The following PPP2R2C variants were observed in gnomAD, a reference collection of about 807,000 sequenced individuals.
PPP2R2C encodes the protein protein phosphatase 2 regulatory subunit Bgamma.
In PPP2R2C, 10 loss-of-function variants were observed where a neutral mutation model predicts 45.3. The ratio of observed to expected loss-of-function variants is 0.22; its 90% CI spans 0.14 to 0.37. The LOEUF (loss-of-function observed/expected upper bound fraction) is 0.37. Among genes scored for constraint, PPP2R2C ranks in the 10% least tolerant of loss-of-function variants. PPP2R2C has a pLI of 1.00. For missense variants in PPP2R2C, 308 were observed against 619.7 expected (o/e 0.50, Z 5.34); for synonymous variants, 257 against 245.4 (o/e 1.05, Z -0.44).
At chr4:6,413,837 C>T in intron 1 of PPP2R2C, 1 of 1,531,148 alleles carries the variant, frequency 6.5e-7, no homozygotes. Flanking sequence ...GGCTCCCACT[C>T]AGGGCTGGCC....
At chr4:6,325,276 A>G (rs996161715) in intron 8 of PPP2R2C, among the ~76,000 whole-genome samples, 2 of 152,204 alleles carry the variant, frequency 1.3e-5, no homozygotes, top group African/African-American at 4.8e-5. Flanking sequence ...GGCTTGAGGC[A>G]CTTTGCTTCT....
rs1443780162 is a variant in PPP2R2C at position 6,329,467 on chromosome 4, C to G, written c.961-114G>C. On this transcript the variant is annotated intron_variant, in intron 7 of 8. Transcript: ENST00000382599. This position sits in a 1 kb window ranked among gnomAD's most constrained non-coding sequence, Gnocchi z 5.8. ...CTGCATGCCCTGACATGGCCCAGCG[C>G]AGACCTGCTCATCTCAGCGAGGGTC... The G allele has an allele frequency of 2.4e-6, 2 of 832,954 alleles. No individual in the cohort carries two copies. Among genetic ancestry groups the G allele is most frequent in the Non-Finnish European group, 4.0e-6 (2 of 495,602 alleles). 51.6% of individuals were successfully genotyped at this position (832,954 alleles called of 1,614,324 possible). A position where few individuals can be genotyped will look rare whatever the true frequency, so the allele number is the denominator to read the frequency against.
At chr4:6,556,394 A>T (rs1189756134) in intron 1 of PPP2R2C, among the ~76,000 whole-genome samples, 9 of 152,174 alleles carry the variant, frequency 5.9e-5, no homozygotes, top group Admixed American at 5.9e-4. Context: ...CACCATCGCA[A>T]CATCAGCCTT....
Position 6,382,002 on chromosome 4 carries a change from T to C in PPP2R2C, c.71-908A>G, listed in dbSNP as rs1715834732. The C allele has an allele frequency of 1.9e-5, 27 of 1,416,862 alleles. No individual in the cohort carries two copies. In the South Asian group the frequency reaches 4.1e-4, roughly 22 times the overall value. The allele number at this position is 1,416,862 out of a possible 1,614,324, so 87.8% of individuals were successfully genotyped here. On this transcript the variant is annotated intron_variant, in intron 1 of 8. Coordinates refer to ENST00000382599, the MANE Select transcript of PPP2R2C (RefSeq NM_020416.4). ...AGCAGGGGAGGACAAGGCCCTAGCC[T>C]GGAAGAGAAACCCCCACTGGAGGAC... is the stretch of plus-strand genomic sequence containing the variant.
chr4:6,513,455 A>T (rs908159914), intron 2 of PPP2R2C, among the ~76,000 whole-genome samples: 1 of 152,154 alleles, frequency 6.6e-6, no homozygotes, highest in Non-Finnish European at 1.5e-5. Flanking sequence ...GGGGTGGAAC[A>T]GGGGGTGAAG....
Position 6,368,426 on chromosome 4 carries a change from T to C in PPP2R2C, c.625+4097A>G, listed in dbSNP as rs150254786. The stretch of plus-strand genomic sequence containing the variant: ...TCCTGGAGGCAGAATCTTTATCTAG[T>C]TCCAGCATCACCCAAGAGGGCTGGC... On this transcript the variant is annotated intron_variant, in intron 5 of 8. Transcript: ENST00000382599. This position sits in a 1 kb window ranked among gnomAD's most constrained non-coding sequence, Gnocchi z 4.2. Among the ~76,000 whole-genome samples the C allele has an allele frequency of 0.022, 3,356 of 152,262 alleles. 51 individuals carry two copies. Among genetic ancestry groups the C allele is most frequent in the Middle Eastern group, 0.075 (22 of 294 alleles).
At chr4:6,426,554 G>A (rs1719344251) in intron 1 of PPP2R2C, among the ~76,000 whole-genome samples, 1 of 152,206 alleles carries the variant, frequency 6.6e-6, no homozygotes. Context: ...CACCTGCATG[G>A]CAATTGTGGT....
intron 5 of PPP2R2C, among the ~76,000 whole-genome samples, chr4:6,362,616 G>C (rs1367593973): frequency 6.6e-6 from 1 of 152,228 alleles, no homozygotes; most frequent in Non-Finnish European, 1.5e-5. Context: ...TTGGCTCAGA[G>C]GGGCCTTGGG....
chr4:6,446,202 C>G (rs1469796273), intron 1 of PPP2R2C, among the ~76,000 whole-genome samples: 1 of 152,220 alleles, frequency 6.6e-6, no homozygotes, highest in Non-Finnish European at 1.5e-5. Flanking sequence ...CGTTCTGAGA[C>G]TCTAGAACTC....
At chr4:6,423,779 G>A (rs116444297) in intron 1 of PPP2R2C, among the ~76,000 whole-genome samples, 1 of 152,214 alleles carries the variant, frequency 6.6e-6, no homozygotes. Flanking sequence ...GGAACTGAAA[G>A]ATCAGGGAGG....
chr4:6,452,587 C>T (rs898154304), intron 1 of PPP2R2C, among the ~76,000 whole-genome samples: 2 of 152,228 alleles, frequency 1.3e-5, no homozygotes, highest in African/African-American at 4.8e-5. Flanking sequence ...ACACAGTAGC[C>T]CTAACCCCTA....
rs181740586 is a variant in PPP2R2C, at chr4:6,389,320, C to T, written c.71-8226G>A. Among the ~76,000 whole-genome samples, 286 of 152,328 alleles carry T rather than the reference C, an allele frequency of 1.9e-3. 4 individuals are homozygous for T. Among genetic ancestry groups the T allele is most frequent in the Non-Finnish European group, 5.6e-4 (38 of 68,030 alleles). Reference sequence around the variant, plus strand: ...AGCACGTCGGGGGACTTGCTCCCCTCGTCCATCACCATAAGTGCTGCTGAC... The same window carrying T: ...AGCACGTCGGGGGACTTGCTCCCCTTGTCCATCACCATAAGTGCTGCTGAC... On this transcript the variant is annotated intron_variant, in intron 1 of 8. Transcript: ENST00000382599.
In PPP2R2C at chr4:6,328,484, A is replaced by C. The variant is rs890090185; in HGVS notation, c.1052+778T>G. On this transcript the variant is annotated intron_variant, in intron 8 of 8. Coordinates refer to ENST00000382599, the MANE Select transcript of PPP2R2C (RefSeq NM_020416.4). The surrounding 1 kb of genome is among the most constrained non-coding windows in gnomAD (Gnocchi z 4.4). ...TACGCCTGGCAGGACCCTGAGCACA[A>C]AGCTGATGTGATTTGGGAGGGCAGA... 3.3e-5 allele frequency among the ~76,000 whole-genome samples: 5 copies of C among 152,150 alleles called. No individual in the cohort carries two copies. The highest frequency in any genetic ancestry group is 1.2e-4 in the African/African-American group (5 of 41,448).
At chr4:6,521,906 C>T (rs1476537560) in intron 2 of PPP2R2C, among the ~76,000 whole-genome samples, 1 of 152,222 alleles carries the variant, frequency 6.6e-6, no homozygotes, top group Non-Finnish European at 1.5e-5. Context: ...TCCAGAGCCA[C>T]CCACTAAACC....
chr4:6,382,622 TTCTCTCTCTCTCTCTCTCTCTCTCTCTC>T lies in PPP2R2C; in HGVS notation c.71-1556_71-1529del, dbSNP rs71173437. 132 of 531,526 alleles carry T rather than the reference TTCTCTCTCTCTCTCTCTCTCTCTCTCTC, an allele frequency of 2.5e-4. 2 individuals are homozygous for T. Among genetic ancestry groups the T allele is most frequent in the East Asian group, 1.0e-3 (9 of 9,042 alleles). 32.9% of individuals were successfully genotyped at this position (531,526 alleles called of 1,614,324 possible). On this transcript the variant is annotated intron_variant, in intron 1 of 8. Coordinates refer to ENST00000382599, the MANE Select transcript of PPP2R2C (RefSeq NM_020416.4). ...CAGGCCCAAGCCTTGGAGTTTCTCG[TTCTCTCTCTCTCTCTCTCTCTCTCTCTC>T]TCTCTCTCTCTCTCTCTCTCTCTCT...
At chr4:6,381,526 A>G in intron 1 of PPP2R2C, 1 of 1,393,060 alleles carries the variant, frequency 7.2e-7, no homozygotes, top group Non-Finnish European at 9.3e-7. Flanking sequence ...CTCCATAGAT[A>G]AGCGCAAGGC....
intron 1 of PPP2R2C, among the ~76,000 whole-genome samples, chr4:6,422,892 G>C (rs745427434): frequency 2.0e-5 from 3 of 152,184 alleles, no homozygotes; most frequent in Non-Finnish European, 4.4e-5. Context: ...ATGCTTACTT[G>C]ATTAGAGTTT....
At position 6,393,550 on chromosome 4, in the gene PPP2R2C, C is replaced by T. The variant is rs187017102; in HGVS notation, c.71-12456G>A. Among the ~76,000 whole-genome samples the T allele has an allele frequency of 2.0e-4, 30 of 152,346 alleles. No individual in the cohort carries two copies. In the East Asian group the frequency reaches 5.2e-3, roughly 26 times the overall value. On this transcript the variant is annotated intron_variant, in intron 1 of 8. Coordinates refer to ENST00000382599, the MANE Select transcript of PPP2R2C (RefSeq NM_020416.4). ...GAGTGAGAAGGGACTCATGAGCCTA[C>T]GAATGCCCCCATGGCCCCGGCCTCC...
At chr4:6,394,297 G>A (rs911672510) in intron 1 of PPP2R2C, among the ~76,000 whole-genome samples, 1 of 152,184 alleles carries the variant, frequency 6.6e-6, no homozygotes, top group African/African-American at 2.4e-5. Flanking sequence ...TCTAAAATGG[G>A]TTTCATATTC....
Sources: allele counts gnomAD v4.1 joint callset (sites outside exome capture counted in the v4.1 genomes callset), GRCh38; gene constraint gnomAD v4.1.1; non-coding constraint Gnocchi (gnomAD v3.1); transcripts MANE v1.5; gene names NCBI Gene and HGNC (gene_info 2026-07-23, HGNC 2026-07-21).